Variants in STK39 observed in about 807,000 individuals in gnomAD.
STK39 encodes serine/threonine kinase 39.
A neutral mutation model predicts 77.8 loss-of-function variants in STK39; 20 were observed. That is an observed-to-expected ratio of 0.26 (90% confidence interval 0.18 to 0.37). The LOEUF is 0.37. STK39 is among the 10% of genes least tolerant of loss of function. The pLI, the probability that STK39 is intolerant of heterozygous loss-of-function variation, is 1.00. For synonymous variants in STK39, 246 were observed against 234.1 expected (o/e 1.05, Z -0.47); for missense variants, 479 against 656.5 (o/e 0.73, Z 2.95).
rs5836174 is a variant in STK39 at position 168,162,286 on chromosome 2, CAAAAAAAA to C, written c.573-452_573-445del. Among the ~76,000 whole-genome samples the C allele has an allele frequency of 4.8e-3, 414 of 85,728 alleles. 1 individual carries two copies. Among genetic ancestry groups the C allele is most frequent in the Non-Finnish European group, 7.9e-3 (328 of 41,594 alleles). 56.2% of individuals were successfully genotyped at this position (85,728 alleles called of 152,430 possible). ...GGGCAACAAGAGTGAAACTTGGTCT[CAAAAAAAA>C]AAAAAAAAAAAAAAAAAAGGTATAA... On this transcript the variant is annotated intron_variant, in intron 4 of 17. Transcript: ENST00000355999.
chr2:168,014,495 A>T (rs528773196), intron 15 of STK39, among the ~76,000 whole-genome samples: 1 of 150,998 alleles, frequency 6.6e-6, no homozygotes, highest in Non-Finnish European at 1.5e-5. Flanking sequence ...AAAATAAAAA[A>T]AAAACACCTT....
At position 167,995,192 on chromosome 2, in the gene STK39, C is replaced by G. The variant is rs561577147; in HGVS notation, c.1498+17442G>C. Among the ~76,000 whole-genome samples the G allele has an allele frequency of 3.3e-5, 5 of 152,068 alleles. No individual in the cohort carries two copies. In the South Asian group the frequency reaches 1.0e-3, roughly 32 times the overall value. Reference sequence around the variant, plus strand: ...TGGTGCAATCTTGTCTCACTGCAACCTCTGCCTCCCGGGTTCAAGCGATTC... The same window carrying G: ...TGGTGCAATCTTGTCTCACTGCAACGTCTGCCTCCCGGGTTCAAGCGATTC... On this transcript the variant is annotated intron_variant, in intron 16 of 17. Transcript: ENST00000355999.
At chr2:168,164,278 A>G (rs1006022832) in intron 3 of STK39, among the ~76,000 whole-genome samples, 3 of 152,206 alleles carry the variant, frequency 2.0e-5, no homozygotes, top group Admixed American at 6.5e-5. Context: ...TGCTGAGAGA[A>G]AAAAAACACA....
intron 1 of STK39, among the ~76,000 whole-genome samples, chr2:168,184,031 GCAA>G (rs1363478459): frequency 1.3e-5 from 2 of 152,138 alleles, no homozygotes; most frequent in Non-Finnish European, 2.9e-5. Flanking sequence ...AGCTCTACCT[GCAA>G]TAAATCTCCC....
chr2:168,146,997 A>T (rs2105547503), intron 5 of STK39, among the ~76,000 whole-genome samples: 1 of 152,358 alleles, frequency 6.6e-6, no homozygotes, highest in Admixed American at 6.5e-5. Context: ...TCCTTCAGAA[A>T]GGAGTCAGCC....
At chr2:168,185,541 T>C (rs192444409) in intron 1 of STK39, among the ~76,000 whole-genome samples, 51 of 152,306 alleles carry the variant, frequency 3.3e-4, no homozygotes, top group Non-Finnish European at 6.3e-4. Context: ...GGTATTAAGG[T>C]AAATAACCAG....
At chr2:168,164,698 G>C (rs1288861813) in intron 3 of STK39, among the ~76,000 whole-genome samples, 2 of 152,226 alleles carry the variant, frequency 1.3e-5, no homozygotes, top group African/African-American at 4.8e-5. Context: ...ATAAGCCACT[G>C]AGCCTGGCTG....
intron 14 of STK39, among the ~76,000 whole-genome samples, chr2:168,025,688 T>C (rs1456969035): frequency 1.3e-5 from 2 of 152,184 alleles, no homozygotes; most frequent in African/African-American, 4.8e-5. Flanking sequence ...GGAAAATTGT[T>C]GTACTTAATG....
chr2:168,121,482 G>A (rs537203347), intron 10 of STK39, among the ~76,000 whole-genome samples: 3 of 152,318 alleles, frequency 2.0e-5, no homozygotes, highest in East Asian at 3.9e-4. Context: ...CTCACCCACT[G>A]CCAGCACCTT....
chr2:168,043,073 C>A (rs1448537311), intron 14 of STK39, among the ~76,000 whole-genome samples: 1 of 152,128 alleles, frequency 6.6e-6, no homozygotes, highest in East Asian at 1.9e-4. Flanking sequence ...ATCTACCTGG[C>A]CCCTCCGTCC....
intron 14 of STK39, among the ~76,000 whole-genome samples, chr2:168,051,729 A>G (rs1685399439): frequency 6.6e-6 from 1 of 152,174 alleles, no homozygotes. Flanking sequence ...CTGCAATTAC[A>G]GGCACAAGCC....
At chr2:168,201,728 A>T (rs1232518629) in intron 1 of STK39, among the ~76,000 whole-genome samples, 2 of 152,026 alleles carry the variant, frequency 1.3e-5, no homozygotes, top group Non-Finnish European at 2.9e-5. Flanking sequence ...CCCTTCCAAG[A>T]CCCACTGAGA....
At chr2:168,209,270 T>G (rs1024701247) in intron 1 of STK39, among the ~76,000 whole-genome samples, 5 of 152,144 alleles carry the variant, frequency 3.3e-5, no homozygotes, top group African/African-American at 1.2e-4. Flanking sequence ...TTTAAAGTGA[T>G]GGAAAATACA....
At chr2:168,184,102 T>A (rs2105635649) in intron 1 of STK39, among the ~76,000 whole-genome samples, 1 of 151,824 alleles carries the variant, frequency 6.6e-6, no homozygotes, top group East Asian at 1.9e-4. Context: ...AATCAAGGAG[T>A]TTCAAAAACA....
At chr2:168,091,150 G>GCGCA (rs140474916) in intron 10 of STK39, among the ~76,000 whole-genome samples, 2 of 147,542 alleles carry the variant, frequency 1.4e-5, no homozygotes, top group East Asian at 2.0e-4. Flanking sequence ...ACAAACAGGT[G>GCGCA]CACACACACA....
At chr2:168,159,188 A>C (rs935984686) in intron 5 of STK39, among the ~76,000 whole-genome samples, 4 of 152,212 alleles carry the variant, frequency 2.6e-5, no homozygotes, top group African/African-American at 2.4e-5. Flanking sequence ...AATAAATGCA[A>C]ACTTAACTTC....
intron 16 of STK39, among the ~76,000 whole-genome samples, chr2:167,995,140 C>T (rs1306312663): frequency 6.6e-6 from 1 of 151,614 alleles, no homozygotes; most frequent in East Asian, 1.9e-4. Context: ...GACAGAGTCT[C>T]GCTCTGTCAC....
intron 17 of STK39, among the ~76,000 whole-genome samples, chr2:167,961,438 T>A (rs937322357): frequency 6.6e-6 from 1 of 152,234 alleles, no homozygotes; most frequent in South Asian, 2.1e-4. Context: ...AAGTGTATCT[T>A]ATTTCATGTT....
intron 3 of STK39, among the ~76,000 whole-genome samples, chr2:168,167,073 T>C (rs572088073): frequency 7.9e-5 from 12 of 152,228 alleles, no homozygotes; most frequent in African/African-American, 2.9e-4. Context: ...GGGCATTTCA[T>C]ACCTGGAGAA....
Sources: allele counts gnomAD v4.1 joint callset (sites outside exome capture counted in the v4.1 genomes callset), GRCh38; gene constraint gnomAD v4.1.1; transcripts MANE v1.5; gene names NCBI Gene and HGNC (gene_info 2026-07-23, HGNC 2026-07-21).